Variants in CSMD1 observed in about 807,000 individuals in gnomAD.
The protein encoded by CSMD1 is CUB and Sushi multiple domains 1.
Under a neutral mutation model 417.5 loss-of-function variants are expected in CSMD1, and 213 were observed. The observed-to-expected ratio is 0.51, with a 90% CI of 0.46 to 0.57. The LOEUF (loss-of-function observed/expected upper bound fraction) is 0.57. Ranked by LOEUF, CSMD1 falls within the 20% of genes least tolerant of loss-of-function variation. The pLI is 0.00. For missense variants in CSMD1, 6,923 were observed against 4,529.7 expected, an observed-to-expected ratio of 1.53 and a Z score of -15.17; for synonymous variants, 2,862 against 1,736.8, an observed-to-expected ratio of 1.65 and a Z score of -16.11.
intron 1 of CSMD1, among the ~76,000 whole-genome samples, chr8:4,770,914 C>T (rs910532119): frequency 2.6e-5 from 4 of 152,062 alleles, no homozygotes; most frequent in African/African-American, 9.7e-5. Context: ...TCCCATATAT[C>T]ACACCAAAAA....
chr8:4,694,546 G>C (rs1026203145), intron 1 of CSMD1, among the ~76,000 whole-genome samples: 1 of 151,736 alleles, frequency 6.6e-6, no homozygotes, highest in Non-Finnish European at 1.5e-5. Flanking sequence ...GGTATTTTTA[G>C]TAGAGACGGG....
chr8:4,733,923 G>A (rs944982833), intron 1 of CSMD1, among the ~76,000 whole-genome samples: 6 of 152,132 alleles, frequency 3.9e-5, no homozygotes, highest in Non-Finnish European at 8.8e-5. Context: ...GACAAGGATA[G>A]CATTTATGGT....
At chr8:2,939,357 ATTTT>A (rs1193578328) in intron 69 of CSMD1, among the ~76,000 whole-genome samples, 1 of 152,212 alleles carries the variant, frequency 6.6e-6, no homozygotes, top group Non-Finnish European at 1.5e-5. Context: ...ACAAAAAGTT[ATTTT>A]TTATTTTGCC....
At chr8:3,721,327 T>A (rs761914746) in intron 6 of CSMD1, among the ~76,000 whole-genome samples, 1 of 152,180 alleles carries the variant, frequency 6.6e-6, no homozygotes, top group Non-Finnish European at 1.5e-5. Flanking sequence ...TGAGTGTGTG[T>A]GGCTGTGGAT....
chr8:3,162,988 C>A (rs1038375053), intron 37 of CSMD1, among the ~76,000 whole-genome samples: 5 of 152,038 alleles, frequency 3.3e-5, no homozygotes, highest in African/African-American at 1.2e-4. Context: ...TGTATAAATC[C>A]TTATCATAAG....
At chr8:3,668,798 T>C (rs936978462) in intron 7 of CSMD1, among the ~76,000 whole-genome samples, 12 of 152,284 alleles carry the variant, frequency 7.9e-5, no homozygotes, top group Middle Eastern at 3.4e-3. Flanking sequence ...CTCATTTTGT[T>C]GCCTTAGACA....
At chr8:3,957,529 A>T (rs1416482379) in intron 5 of CSMD1, among the ~76,000 whole-genome samples, 3 of 151,974 alleles carry the variant, frequency 2.0e-5, no homozygotes, top group Non-Finnish European at 4.4e-5. Context: ...TAAAATTTTA[A>T]AAAAACTAGC....
rs185807852 is a variant in CSMD1, at chr8:3,983,296, A to T, written c.818+14607T>A. ...CAGGCGCCCACCACCACGCCCGGCT[A>T]ATTTTTTGTATTTTTAGTAGAGATG... On this transcript the variant is annotated intron_variant, in intron 5 of 69. Transcript: ENST00000635120. Among the ~76,000 whole-genome samples the T allele has an allele frequency of 8.2e-4, 124 of 151,734 alleles. 1 individual carries two copies. The highest frequency in any genetic ancestry group is 2.9e-3 in the African/African-American group (118 of 41,322).
chr8:3,506,308 C>T (rs74428615), intron 10 of CSMD1, among the ~76,000 whole-genome samples: 24 of 152,284 alleles, frequency 1.6e-4, no homozygotes, highest in African/African-American at 5.5e-4. Context: ...TCCTACTACC[C>T]GCTATTTCTA....
chr8:3,545,274 T>G (rs11991698), intron 10 of CSMD1, among the ~76,000 whole-genome samples: 5,403 of 152,302 alleles, frequency 0.035, 256 homozygotes, highest in African/African-American at 0.11. Flanking sequence ...AAGAAGGACA[T>G]GGTCTTCATG....
intron 12 of CSMD1, among the ~76,000 whole-genome samples, chr8:3,459,511 C>G (rs1038865373): frequency 6.6e-6 from 1 of 152,056 alleles, no homozygotes; most frequent in African/African-American, 2.4e-5. Context: ...CAGTCGGAGA[C>G]ACGGATGAGA....
chr8:4,809,442 A>G (rs1257250498), intron 1 of CSMD1, among the ~76,000 whole-genome samples: 1 of 152,194 alleles, frequency 6.6e-6, no homozygotes, highest in Non-Finnish European at 1.5e-5. Flanking sequence ...CCTGCAATCT[A>G]AGAATACTGT....
At chr8:4,067,880 C>A (rs1039436867) in intron 3 of CSMD1, among the ~76,000 whole-genome samples, 3 of 152,044 alleles carry the variant, frequency 2.0e-5, no homozygotes, top group Non-Finnish European at 4.4e-5. Flanking sequence ...AGATGGAGAC[C>A]ATCCTGGCCA....
At chr8:4,890,380 T>C (rs1042390313) in intron 1 of CSMD1, among the ~76,000 whole-genome samples, 1 of 152,084 alleles carries the variant, frequency 6.6e-6, no homozygotes, top group Non-Finnish European at 1.5e-5. Flanking sequence ...ACTCGGGTCC[T>C]CACAGCCATG....
At chr8:4,188,896 C>T (rs1166637628) in intron 3 of CSMD1, among the ~76,000 whole-genome samples, 3 of 151,758 alleles carry the variant, frequency 2.0e-5, no homozygotes, top group African/African-American at 4.8e-5. Flanking sequence ...CCTGATGAAA[C>T]ACACGGGGTT....
intron 1 of CSMD1, among the ~76,000 whole-genome samples, chr8:4,726,667 T>C (rs1809477598): frequency 6.6e-6 from 1 of 152,202 alleles, no homozygotes; most frequent in East Asian, 1.9e-4. Context: ...CCTCCTCTGT[T>C]GCTCTGCTGC....
Position 3,396,330 on chromosome 8 carries a change from G to C in CSMD1, c.2457C>G (p.Ala819=), listed in dbSNP as rs962448239. The change falls in exon 17 of 70, where the codon GCC becomes GCG. Residue 819 remains alanine, a synonymous_variant. Transcript: ENST00000635120. ...ACTCGCCGATCAGTGGGGACGAACT[G>C]GCTGGCCCATCTCTGACCTCCAAGG... The part of the protein sequence containing the change: ...YDTLEVRDGP[A]SSSPLIGEYH... The C allele has an allele frequency of 2.5e-6, 4 of 1,607,942 alleles. No individual in the cohort carries two copies. The highest frequency in any genetic ancestry group is 3.4e-6 in the Non-Finnish European group (4 of 1,177,276).
At chr8:4,384,853 T>C (rs183506369) in intron 3 of CSMD1, among the ~76,000 whole-genome samples, 24 of 151,960 alleles carry the variant, frequency 1.6e-4, no homozygotes, top group Non-Finnish European at 2.7e-4. Flanking sequence ...GGCTACTGTT[T>C]GATCTTAACA....
chr8:3,494,008 C>G (rs188440315), intron 10 of CSMD1, among the ~76,000 whole-genome samples: 1 of 152,188 alleles, frequency 6.6e-6, no homozygotes, highest in South Asian at 2.1e-4. Context: ...CAAATATCTA[C>G]TAAATGTTTA....
Sources: allele counts gnomAD v4.1 joint callset (sites outside exome capture counted in the v4.1 genomes callset), GRCh38; gene constraint gnomAD v4.1.1; transcripts MANE v1.5; gene names NCBI Gene and HGNC (gene_info 2026-07-23, HGNC 2026-07-21).